Variants in CFAP161 observed in about 807,000 individuals in gnomAD.
CFAP161 encodes the protein cilia and flagella associated protein 161, also known as cilia- and flagella-associated protein 161.
In CFAP161, 25 loss-of-function variants were observed where a neutral mutation model predicts 29.0. The observed-to-expected ratio is 0.86, with a 90% CI of 0.63 to 1.20. CFAP161 has a LOEUF of 1.20. CFAP161 is among the 50% of genes most tolerant of loss of function. The pLI, the probability that CFAP161 is intolerant of heterozygous loss-of-function variation, is 0.00. For synonymous variants in CFAP161, 116 were observed against 137.4 expected, an observed-to-expected ratio of 0.84 and a Z score of 1.09; for missense variants, 367 against 371.9, an observed-to-expected ratio of 0.99 and a Z score of 0.11.
chr15:81,118,216 A>G, intron 1 of CFAP161: 1 of 492,684 alleles, frequency 2.0e-6, no homozygotes. Context: ...CAGCTTGGGG[A>G]GATTTGAAAT....
At chr15:81,124,380 T>C (rs1894614082) in intron 1 of CFAP161, among the ~76,000 whole-genome samples, 1 of 152,220 alleles carries the variant, frequency 6.6e-6, no homozygotes, top group Non-Finnish European at 1.5e-5. Flanking sequence ...TCATGGTAGA[T>C]AAGCCTTTGA....
upstream of CFAP161, among the ~76,000 whole-genome samples, chr15:81,129,421 G>A (rs1452097266): frequency 6.6e-6 from 1 of 152,100 alleles, no homozygotes; most frequent in East Asian, 1.9e-4. Context: ...GAAGGTGAAA[G>A]GCACATCTCA....
At chr15:81,116,376 C>G (rs1440984863) in intron 1 of CFAP161, among the ~76,000 whole-genome samples, 6 of 152,348 alleles carry the variant, frequency 3.9e-5, no homozygotes, top group Non-Finnish European at 7.3e-5. Flanking sequence ...TCACTGCAGC[C>G]TCCGCCTCCT....
chr15:81,143,394 G>A (rs780425726), intron 4 of CFAP161, among the ~76,000 whole-genome samples: 39 of 152,172 alleles, frequency 2.6e-4, no homozygotes, highest in Non-Finnish European at 4.6e-4. Flanking sequence ...GAGTAGGAAG[G>A]AGAGAGGAAG....
chr15:81,116,983 G>A (rs1894506673), intron 1 of CFAP161, among the ~76,000 whole-genome samples: 1 of 152,040 alleles, frequency 6.6e-6, no homozygotes, highest in Admixed American at 6.6e-5. Context: ...GATCACTTAG[G>A]AATCTCATAT....
Position 81,148,439 on chromosome 15 carries a change from C to T in CFAP161, c.812C>T (p.Pro271Leu). The change falls in exon 7 of 7, where the codon CCC becomes CTC. Residue 271 changes from proline to leucine, a missense_variant. Transcript: ENST00000286732. ...RNHWMLVTGN[P>L]RDASSSMLDL... ...CACTGGATGTTGGTTACTGGGAATCCCAGGGATGCCTCGTCCTCCATGTTG... is the reference window on the plus strand; with the variant it reads ...CACTGGATGTTGGTTACTGGGAATCTCAGGGATGCCTCGTCCTCCATGTTG... 3.7e-6 allele frequency: 6 copies of T among 1,614,092 alleles called. No homozygotes were observed. The highest frequency in any genetic ancestry group is 5.1e-6 in the Non-Finnish European group (6 of 1,180,014).
chr15:81,133,310 C>T (rs915076161), upstream of CFAP161, among the ~76,000 whole-genome samples: 18 of 149,924 alleles, frequency 1.2e-4, no homozygotes, highest in Admixed American at 1.3e-4. Flanking sequence ...CCTCCTGCCT[C>T]GGCTTCCCAA....
At chr15:81,107,296 G>A (rs750327005) in intron 1 of CFAP161, among the ~76,000 whole-genome samples, 12 of 152,184 alleles carry the variant, frequency 7.9e-5, no homozygotes, top group Non-Finnish European at 1.6e-4. Flanking sequence ...ATCATATAAC[G>A]TGAGTGAGGT....
chr15:81,125,139 A>G (rs904242176), intron 1 of CFAP161, among the ~76,000 whole-genome samples: 1 of 152,030 alleles, frequency 6.6e-6, no homozygotes, highest in Non-Finnish European at 1.5e-5. Flanking sequence ...AAGTTCATTT[A>G]TAAGCATTTA....
intron 1 of CFAP161, among the ~76,000 whole-genome samples, chr15:81,123,506 G>A (rs920921661): frequency 1.1e-4 from 17 of 152,196 alleles, no homozygotes; most frequent in African/African-American, 4.1e-4. Flanking sequence ...GCCTAGGATT[G>A]CCTTGGCTAT....
intron 4 of CFAP161, among the ~76,000 whole-genome samples, chr15:81,141,584 G>A (rs931258934): frequency 6.6e-6 from 1 of 152,128 alleles, no homozygotes; most frequent in African/African-American, 2.4e-5. Flanking sequence ...GGCATTCATA[G>A]AAGCGTTGGT....
chr15:81,105,175 C>CTGTCCCTTCCTT (rs1894353860), intron 1 of CFAP161, among the ~76,000 whole-genome samples: 2 of 62,236 alleles, frequency 3.2e-5, no homozygotes, highest in Non-Finnish European at 6.1e-5. Context: ...CTTCCTCCCT[C>CTGTCCCTTCCTT]CCTTCCTTTT....
intron 4 of CFAP161, among the ~76,000 whole-genome samples, chr15:81,141,494 A>T (rs527538889): frequency 7.9e-5 from 12 of 152,282 alleles, no homozygotes; most frequent in African/African-American, 2.2e-4. Context: ...TAATCTTCAA[A>T]TGATGACAAT....
intron 1 of CFAP161, among the ~76,000 whole-genome samples, chr15:81,112,284 A>G (rs1002923900): frequency 1.3e-5 from 2 of 152,086 alleles, no homozygotes; most frequent in Admixed American, 6.5e-5. Context: ...AAGTAAGACA[A>G]TAGCCTGTAT....
At chr15:81,106,953 C>T (rs986435178) in intron 1 of CFAP161, among the ~76,000 whole-genome samples, 4 of 152,178 alleles carry the variant, frequency 2.6e-5, no homozygotes, top group African/African-American at 9.7e-5. Flanking sequence ...ATAGTACTAG[C>T]TTCTCAGGAG....
chr15:81,132,978 A>G (rs1030435150), upstream of CFAP161, among the ~76,000 whole-genome samples: 1 of 151,612 alleles, frequency 6.6e-6, no homozygotes, highest in Non-Finnish European at 1.5e-5. Context: ...GAATGTGGTG[A>G]TATATTGACA....
At position 81,148,724 on chromosome 15, in the gene CFAP161, G is replaced by C; in HGVS notation, c.*191G>C. The C allele has an allele frequency of 2.1e-6, 1 of 474,520 alleles. No homozygotes were observed. Among genetic ancestry groups the C allele is most frequent in the Non-Finnish European group, 3.6e-6 (1 of 278,836 alleles). The allele number at this position is 474,520 out of a possible 1,614,324, so 29.4% of individuals were successfully genotyped here. A position where few individuals can be genotyped will look rare whatever the true frequency, so the allele number is the denominator to read the frequency against. ...GGGAGTCTAGGGCTGAAGAAAAACA[G>C]CTCTGGAGAATAATTAGTATTTGAA... On this transcript the variant is annotated 3_prime_UTR_variant, in exon 7 of 7. Transcript: ENST00000286732.
chr15:81,117,543 C>CTTT (rs35047343), intron 1 of CFAP161: 4 of 135,470 alleles, frequency 3.0e-5, no homozygotes, highest in Non-Finnish European at 3.2e-5. Flanking sequence ...ATCACAGCTA[C>CTTT]TTTTTTTTTT....
intron 1 of CFAP161, among the ~76,000 whole-genome samples, chr15:81,105,930 A>T (rs932780700): frequency 6.6e-6 from 1 of 152,226 alleles, no homozygotes; most frequent in Admixed American, 6.5e-5. Context: ...CCCCTTGTCT[A>T]TCAGGCATTG....
Sources: allele counts gnomAD v4.1 joint callset (sites outside exome capture counted in the v4.1 genomes callset), GRCh38; gene constraint gnomAD v4.1.1; transcripts MANE v1.5; gene names NCBI Gene and HGNC (gene_info 2026-07-23, HGNC 2026-07-21).